PUS7: variants seen among roughly 807,000 people sequenced by gnomAD.
PUS7 encodes the protein pseudouridine synthase 7.
PUS7 carries 48 observed loss-of-function variants against 79.8 expected under a neutral mutation model. The observed-to-expected ratio is 0.60, with a 90% CI of 0.48 to 0.76. The LOEUF is 0.76. Ranked by LOEUF, PUS7 falls within the 30% of genes least tolerant of loss-of-function variation. The pLI is 0.00. For missense variants in PUS7, 729 were observed against 797.6 expected (o/e 0.91, Z 1.04); for synonymous variants, 286 against 272.2 (o/e 1.05, Z -0.50).
chr7:105,504,451 T>G (rs563450830), intron 4 of PUS7, among the ~76,000 whole-genome samples: 2 of 152,176 alleles, frequency 1.3e-5, no homozygotes, highest in African/African-American at 2.4e-5. Flanking sequence ...GACTTCTTCA[T>G]AGCAAAAAGT....
rs1347269929 is a variant in PUS7, at chr7:105,457,174, A to G, written c.*616T>C. On this transcript the variant is annotated 3_prime_UTR_variant, in exon 16 of 16. Coordinates refer to ENST00000469408, the MANE Select transcript of PUS7 (RefSeq NM_019042.5). ...AATAAAAAAATAAAATGGGCCTATC[A>G]ATGCAACGTTCCTGCAAGGCATTGA... The G allele has an allele frequency of 2.6e-5, 4 of 152,202 alleles. No individual in the cohort carries two copies. Among genetic ancestry groups the G allele is most frequent in the African/African-American group, 9.7e-5 (4 of 41,450 alleles). The allele number at this position is 152,202 out of a possible 1,614,324, so 9.4% of individuals were successfully genotyped here. A position where few individuals can be genotyped will look rare whatever the true frequency, so the allele number is the denominator to read the frequency against.
chr7:105,474,277 C>T (rs1823991859), intron 9 of PUS7, among the ~76,000 whole-genome samples: 1 of 152,118 alleles, frequency 6.6e-6, no homozygotes, highest in African/African-American at 2.4e-5. Context: ...AATGTAATTA[C>T]ATCAACAGAT....
At chr7:105,472,262 G>A in intron 9 of PUS7, 69 bp from the exon 10 acceptor site, 1 of 946,722 alleles carries the variant, frequency 1.1e-6, no homozygotes, top group Non-Finnish European at 1.7e-6. Context: ...ACAAATCTTT[G>A]AAGAGTCAAC....
chr7:105,476,007 A>T (rs1159458701), intron 9 of PUS7, among the ~76,000 whole-genome samples: 1 of 151,736 alleles, frequency 6.6e-6, no homozygotes, highest in Non-Finnish European at 1.5e-5. Flanking sequence ...CCCACGTGAT[A>T]GCACGTGTCA....
chr7:105,496,222 T>TAGAGAGAGAG (rs1203551594), intron 5 of PUS7, among the ~76,000 whole-genome samples: 135 of 85,014 alleles, frequency 1.6e-3, no homozygotes, highest in Non-Finnish European at 2.5e-3. Flanking sequence ...TATATATATA[T>TAGAGAGAGAG]ATATAGAGAG....
At chr7:105,469,483 G>T (rs562885410) in intron 11 of PUS7, among the ~76,000 whole-genome samples, 2 of 151,434 alleles carry the variant, frequency 1.3e-5, no homozygotes, top group Non-Finnish European at 3.0e-5. Flanking sequence ...ATTTTGAGAC[G>T]GAGTCTCACT....
At chr7:105,511,902 T>A (rs1474951138) in intron 1 of PUS7, among the ~76,000 whole-genome samples, 3 of 151,658 alleles carry the variant, frequency 2.0e-5, no homozygotes, top group Admixed American at 1.3e-4. Context: ...TCCCAACACT[T>A]TGGGAGGCTG....
chr7:105,504,228 C>T (rs910303680), intron 4 of PUS7, among the ~76,000 whole-genome samples: 8 of 136,004 alleles, frequency 5.9e-5, no homozygotes, highest in African/African-American at 2.1e-4. Flanking sequence ...CGCCACCACG[C>T]CCAGCTAATT....
At chr7:105,465,056 C>T (rs770213251) in intron 13 of PUS7, among the ~76,000 whole-genome samples, 35 of 152,186 alleles carry the variant, frequency 2.3e-4, no homozygotes, top group Non-Finnish European at 3.7e-4. Context: ...AGAGCTCAAG[C>T]GATCCACCCA....
intron 4 of PUS7, among the ~76,000 whole-genome samples, chr7:105,503,864 T>C (rs1331071838): frequency 6.6e-6 from 1 of 152,028 alleles, no homozygotes; most frequent in African/African-American, 2.4e-5. Context: ...ATCTCCTGAA[T>C]TCAAGCGATC....
intron 2 of PUS7, 132 bp downstream of exon 2, chr7:105,507,983 C>T: frequency 1.6e-6 from 2 of 1,235,100 alleles, no homozygotes; most frequent in Non-Finnish European, 2.1e-6. Flanking sequence ...TTTCCTTCAT[C>T]CTATTCCTTT....
rs139218366 is a variant in PUS7, at chr7:105,506,267, G to A, written c.405C>T (p.Ser135=). 26 of 1,608,888 alleles carry A rather than the reference G, an allele frequency of 1.6e-5. No individual in the cohort carries two copies. Among genetic ancestry groups the A allele is most frequent in the East Asian group, 1.1e-4 (5 of 44,810 alleles). The change falls in exon 3 of 16, where the codon TCC becomes TCT. Residue 135 remains serine (S), a synonymous_variant. Coordinates refer to ENST00000469408, the MANE Select transcript of PUS7 (RefSeq NM_019042.5). ...GFSGILKERY[S]DFVVHEIGKD... is the part of the protein sequence containing the mutation. ...TTCCTATTTCATGAACAACGAAGTC[G>A]GAGTATCTGATGAAAGAAAACATGA...
At chr7:105,511,012 A>T (rs1825679705) in intron 1 of PUS7, among the ~76,000 whole-genome samples, 2 of 151,832 alleles carry the variant, frequency 1.3e-5, no homozygotes, top group Non-Finnish European at 2.9e-5. Flanking sequence ...CAAAATAATA[A>T]TGATGATTAA....
At chr7:105,491,349 C>A (rs186000741) in intron 7 of PUS7, among the ~76,000 whole-genome samples, 191 bp downstream of exon 7, 9 of 152,112 alleles carry the variant, frequency 5.9e-5, no homozygotes, top group Non-Finnish European at 8.8e-5. Flanking sequence ...CCAAAAAAAT[C>A]TTTAAAAATT....
intron 14 of PUS7, among the ~76,000 whole-genome samples, chr7:105,461,709 C>T (rs114992791): frequency 0.014 from 2,084 of 152,272 alleles, 42 homozygotes; most frequent in African/African-American, 0.046. Flanking sequence ...ATTTCATCAC[C>T]GTGTAAACAT....
Position 105,457,717 on chromosome 7 carries a change from T to C in PUS7, c.*73A>G. On this transcript the variant is annotated 3_prime_UTR_variant, in exon 16 of 16. Transcript: ENST00000469408. ...TTGAAATCCATATATGAGTCTGAAC[T>C]AAGACAAAAATGCACAGGGAGCCAG... The C allele has an allele frequency of 6.6e-7, 1 of 1,505,270 alleles. No homozygotes were observed. 93.2% of individuals were successfully genotyped at this position (1,505,270 alleles called of 1,614,324 possible).
Position 105,472,191 on chromosome 7 carries a change from G to C in PUS7, c.1178C>G (p.Ala393Gly). The C allele has an allele frequency of 1.3e-6, 2 of 1,570,242 alleles. No individual in the cohort carries two copies. Among genetic ancestry groups the C allele is most frequent in the Middle Eastern group, 1.8e-4 (1 of 5,674 alleles). Reference protein sequence around the residue: ...TAVPTYQVGRAILQNSWTEVM... With the variant: ...TAVPTYQVGRGILQNSWTEVM... ...TTCTGTCCAGGAATTTTGTAGTATAGCTCTAAAATTAAACAACATTTATTT... is the reference window on the plus strand; with the variant it reads ...TTCTGTCCAGGAATTTTGTAGTATACCTCTAAAATTAAACAACATTTATTT... The change falls in exon 10 of 16, where the codon GCT (alanine) becomes GGT (glycine). Residue 393 changes from alanine to glycine, a missense_variant and splice_region_variant. Coordinates refer to ENST00000469408, the MANE Select transcript of PUS7 (RefSeq NM_019042.5).
chr7:105,510,194 G>C (rs947106464), intron 1 of PUS7, among the ~76,000 whole-genome samples: 21 of 152,080 alleles, frequency 1.4e-4, no homozygotes, highest in African/African-American at 4.8e-4. Context: ...CAGCTACTCG[G>C]GAGACTGAGG....
At chr7:105,492,052 CAA>C (rs368940149) in intron 6 of PUS7, among the ~76,000 whole-genome samples, 20,396 of 116,928 alleles carry the variant, frequency 0.17, 1,346 homozygotes, top group South Asian at 0.21. Context: ...GACTCCGTCT[CAA>C]AAAAAAAAAA....
Sources: allele counts gnomAD v4.1 joint callset (sites outside exome capture counted in the v4.1 genomes callset), GRCh38; gene constraint gnomAD v4.1.1; transcripts MANE v1.5; gene names NCBI Gene and HGNC (gene_info 2026-07-23, HGNC 2026-07-21).